SYNRG: variants seen among roughly 807,000 people sequenced by gnomAD.
SYNRG encodes the protein synergin gamma.
In SYNRG, 37 loss-of-function variants were observed where a neutral mutation model predicts 130.9. That is an observed-to-expected ratio of 0.28 (90% CI 0.22 to 0.37). The LOEUF is 0.37. SYNRG is among the 10% of genes least tolerant of loss of function. The pLI, the probability that SYNRG is intolerant of heterozygous loss-of-function variation, is 1.00. For synonymous variants in SYNRG, 539 were observed against 568.1 expected (o/e 0.95, Z 0.73); for missense variants, 1,338 against 1,588.9 (o/e 0.84, Z 2.68).
intron 14 of SYNRG, among the ~76,000 whole-genome samples, chr17:37,543,601 A>G (rs1045304372): frequency 2.6e-5 from 4 of 152,332 alleles, no homozygotes; most frequent in Admixed American, 6.5e-5. Context: ...ACCATCAACC[A>G]TGATCATGTG....
chr17:37,575,699 G>C (rs2060773912), intron 8 of SYNRG, among the ~76,000 whole-genome samples: 1 of 151,876 alleles, frequency 6.6e-6, no homozygotes, highest in Admixed American at 6.6e-5. Context: ...AAAATTAGCT[G>C]GGTGTAGTGG....
intron 6 of SYNRG, chr17:37,579,328 T>A (rs1303343526): frequency 7.7e-7 from 1 of 1,304,204 alleles, no homozygotes; most frequent in Admixed American, 2.3e-5. Context: ...AAGGCCCACA[T>A]GGGGGAACTT....
chr17:37,578,565 C>T (rs1159151628), intron 6 of SYNRG, among the ~76,000 whole-genome samples: 1 of 152,182 alleles, frequency 6.6e-6, no homozygotes, highest in Non-Finnish European at 1.5e-5. Flanking sequence ...CCAGTAACAT[C>T]ATCATCATCT....
At position 37,600,390 on chromosome 17, in the gene SYNRG, C is replaced by G; in HGVS notation, c.91G>C (p.Val31Leu). 3.7e-6 allele frequency: 6 copies of G among 1,613,452 alleles called. No homozygotes were observed. Among genetic ancestry groups the G allele is most frequent in the Non-Finnish European group, 5.1e-6 (6 of 1,179,850 alleles). The change falls in exon 2 of 22, where the codon GTT becomes CTT. Residue 31 changes from valine (V) to leucine (L), a missense_variant. Physicochemically the swap from Val to Leu is conservative, Grantham distance 32. Transcript: ENST00000612223. ...SAGGGGFMFPVAGGIRPPQAG... is the reference protein window; with the variant it reads ...SAGGGGFMFPLAGGIRPPQAG... ...TGAGGGGGTCTTATCCCACCTGCAACAGGAAACATGAAGCTGAAAACAGAA... is the reference window on the plus strand; with the variant it reads ...TGAGGGGGTCTTATCCCACCTGCAAGAGGAAACATGAAGCTGAAAACAGAA...
intron 13 of SYNRG, among the ~76,000 whole-genome samples, chr17:37,558,675 T>C (rs2059295988): frequency 6.6e-6 from 1 of 152,190 alleles, no homozygotes; most frequent in Non-Finnish European, 1.5e-5. Context: ...TCTTGTAAAG[T>C]GGTGATTGAG....
chr17:37,517,861 A>G lies in SYNRG; in HGVS notation c.*1079T>C, dbSNP rs2054545203. 6.6e-6 allele frequency: 1 copy of G among 152,216 alleles called. No individual in the cohort carries two copies. Among genetic ancestry groups the G allele is most frequent in the Admixed American group, 6.5e-5 (1 of 15,274 alleles). The allele number at this position is 152,216 out of a possible 1,614,324, so 9.4% of individuals were successfully genotyped here. ...TCCCCTAATTTTATGCATTCACATT[A>G]AATGGCAAAGACAATTCCCTACTCC... On this transcript the variant is annotated 3_prime_UTR_variant, in exon 22 of 22. Transcript: ENST00000612223.
At position 37,584,126 on chromosome 17, in the gene SYNRG, C is replaced by T. The variant is rs149920481; in HGVS notation, c.589+522G>A. 5.6e-3 allele frequency among the ~76,000 whole-genome samples: 859 copies of T among 152,210 alleles called. 8 individuals are homozygous for T. Among genetic ancestry groups the T allele is most frequent in the African/African-American group, 0.018 (731 of 41,520 alleles). ...CCTTTACCCTGCTCTAAAACAGGGA[C>T]GTTTCTTTTTGCTTACCTGACAATA... is the stretch of plus-strand genomic sequence containing the variant. On this transcript the variant is annotated intron_variant, in intron 6 of 21. Coordinates refer to ENST00000612223, the MANE Select transcript of SYNRG (RefSeq NM_007247.6).
At chr17:37,603,681 A>G (rs2063494622) in intron 1 of SYNRG, among the ~76,000 whole-genome samples, 2 of 152,378 alleles carry the variant, frequency 1.3e-5, no homozygotes, top group Non-Finnish European at 2.9e-5. Flanking sequence ...GTAGGTCTCA[A>G]CAATGGGCTT....
intron 3 of SYNRG, among the ~76,000 whole-genome samples, chr17:37,594,731 A>ATT (rs1300525293): frequency 2.6e-5 from 4 of 152,156 alleles, no homozygotes; most frequent in Non-Finnish European, 5.9e-5. Context: ...AAGTGCTGGG[A>ATT]TTACAGGTGT....
chr17:37,541,090 C>T, intron 15 of SYNRG: 2 of 985,698 alleles, frequency 2.0e-6, no homozygotes, highest in Admixed American at 6.1e-5. Flanking sequence ...TCTGATCTAT[C>T]ACAAGTCTTC....
intron 14 of SYNRG, among the ~76,000 whole-genome samples, chr17:37,549,725 G>A (rs1245269113): frequency 2.0e-5 from 3 of 151,968 alleles, no homozygotes; most frequent in African/African-American, 7.3e-5. Flanking sequence ...TGAGTAGCTG[G>A]GACTACAGGA....
chr17:37,580,296 C>CT (rs111270719), intron 6 of SYNRG, among the ~76,000 whole-genome samples: 321 of 138,358 alleles, frequency 2.3e-3, no homozygotes, highest in Middle Eastern at 3.7e-3. Flanking sequence ...TACAAAAGAA[C>CT]TTTTTTTTTT....
Position 37,553,694 on chromosome 17 carries a change from C to A in SYNRG, c.2029G>T (p.Gly677Trp). Residue 677 changes from glycine to tryptophan, a missense_variant, in exon 14 of 22, where the codon GGG becomes TGG. Around this residue, in one of 3 missense-constraint regions of SYNRG, gnomAD observed 1,146 missense variants for 1,342.3 expected, o/e 0.85. Transcript: ENST00000612223. ...ACAGGTGCTAGACCAGAATATTCCC[C>A]AAAAAGGCTGAATTCTCCAAAATCA... ...ADDFGEFSLF[G>W]EYSGLAPVGE... is the part of the protein sequence containing the mutation. 6.2e-7 allele frequency: 1 copy of A among 1,613,330 alleles called. No individual in the cohort carries two copies. The highest frequency in any genetic ancestry group is 8.5e-7 in the Non-Finnish European group (1 of 1,179,882).
intron 11 of SYNRG, among the ~76,000 whole-genome samples, chr17:37,562,791 C>G (rs2145717739): frequency 1.3e-5 from 2 of 152,028 alleles, no homozygotes; most frequent in South Asian, 4.2e-4. Context: ...AATTAAAGTA[C>G]AGTTCACTGT....
chr17:37,607,324 C>T (rs1333446568), intron 1 of SYNRG, among the ~76,000 whole-genome samples: 1 of 152,088 alleles, frequency 6.6e-6, no homozygotes, highest in Non-Finnish European at 1.5e-5. Flanking sequence ...AATTTCTGAA[C>T]CTGAGGTCCT....
chr17:37,584,503 T>G (rs1049895587), intron 6 of SYNRG, 145 bp downstream of exon 6: 5 of 626,688 alleles, frequency 8.0e-6, no homozygotes, highest in Non-Finnish European at 1.1e-5. Context: ...CCACTGTATA[T>G]TTGAGAACAT....
At chr17:37,581,065 T>G (rs1457228277) in intron 6 of SYNRG, among the ~76,000 whole-genome samples, 1 of 152,106 alleles carries the variant, frequency 6.6e-6, no homozygotes, top group Non-Finnish European at 1.5e-5. Flanking sequence ...ACAACTATAG[T>G]CAATTTAAGA....
At chr17:37,585,243 G>T in intron 5 of SYNRG, 82 bp downstream of exon 5, 1 of 1,137,532 alleles carries the variant, frequency 8.8e-7, no homozygotes, top group Non-Finnish European at 1.3e-6. Flanking sequence ...TGGTGCCCCA[G>T]TGACGAAATC....
chr17:37,569,952 C>T (rs2060294180), intron 10 of SYNRG, among the ~76,000 whole-genome samples: 1 of 151,944 alleles, frequency 6.6e-6, no homozygotes, highest in African/African-American at 2.4e-5. Flanking sequence ...TAATGATTAC[C>T]ACTGTGTGAA....
Sources: allele counts gnomAD v4.1 joint callset (sites outside exome capture counted in the v4.1 genomes callset), GRCh38; gene constraint gnomAD v4.1.1; regional missense constraint gnomAD v4.1.1; transcripts MANE v1.5; gene names NCBI Gene and HGNC (gene_info 2026-07-23, HGNC 2026-07-21).